CDH12: variants seen among roughly 807,000 people sequenced by gnomAD.
CDH12 encodes cadherin-12.
In CDH12, 41 loss-of-function variants were observed where a neutral mutation model predicts 74.1. The ratio of observed to expected loss-of-function variants is 0.55; its 90% CI spans 0.43 to 0.72. CDH12 has a LOEUF of 0.72. Ranked by LOEUF, CDH12 falls within the 30% of genes least tolerant of loss-of-function variation. CDH12 has a pLI of 0.00. For missense variants in CDH12, 945 were observed against 977.2 expected, an observed-to-expected ratio of 0.97 and a Z score of 0.44; for synonymous variants, 399 against 355.0, an observed-to-expected ratio of 1.12 and a Z score of -1.39.
intron 1 of CDH12, among the ~76,000 whole-genome samples, chr5:22,571,493 ATTT>A (rs1046319297): frequency 3.3e-5 from 5 of 152,038 alleles, no homozygotes; most frequent in Non-Finnish European, 7.4e-5. Flanking sequence ...CGCCAGACTA[ATTT>A]TGTATTTTTG....
At chr5:22,617,148 A>G (rs1737732806) in intron 1 of CDH12, among the ~76,000 whole-genome samples, 1 of 152,122 alleles carries the variant, frequency 6.6e-6, no homozygotes, top group African/African-American at 2.4e-5. Context: ...TGCTGGGATT[A>G]AAGAAATGAG....
At chr5:22,481,155 G>A (rs1258525164) in intron 2 of CDH12, among the ~76,000 whole-genome samples, 2 of 152,068 alleles carry the variant, frequency 1.3e-5, no homozygotes, top group African/African-American at 4.8e-5. Context: ...GTGAGATATC[G>A]CCTCATGCCT....
chr5:21,901,869 G>T (rs1401660575), intron 6 of CDH12, among the ~76,000 whole-genome samples: 5 of 151,412 alleles, frequency 3.3e-5, no homozygotes, highest in Admixed American at 6.6e-5. Context: ...CACAAGTTTT[G>T]CTCCAACTGT....
chr5:21,967,457 G>A (rs1191066370), intron 6 of CDH12, among the ~76,000 whole-genome samples: 2 of 152,152 alleles, frequency 1.3e-5, no homozygotes, highest in Non-Finnish European at 2.9e-5. Context: ...GGCTGGGGAA[G>A]GAGTAATACT....
rs538720420 is a variant in CDH12 at position 21,986,241 on chromosome 5, G to C, written c.232-10856C>G. ...ATTTGCAATGCTCAAGAGCAAAAAA[G>C]CTTATGTGCTAGGATATATTACACA... On this transcript the variant is annotated intron_variant, in intron 5 of 14. Coordinates refer to ENST00000382254, the MANE Select transcript of CDH12 (RefSeq NM_004061.5). Among the ~76,000 whole-genome samples the C allele has an allele frequency of 2.1e-4, 32 of 152,266 alleles. 1 individual carries two copies. In the South Asian group the frequency reaches 5.4e-3, roughly 26 times the overall value.
rs73068183 is a variant in CDH12 at position 22,765,138 on chromosome 5, T to C, written c.-523+87920A>G. ...ATTAAACAATGTGCACGTTTCAAAA[T>C]ATGGTATTAAAGGAACATGTCTCTA... On this transcript the variant is annotated intron_variant, in intron 1 of 14. Coordinates refer to ENST00000382254, the MANE Select transcript of CDH12 (RefSeq NM_004061.5). Among the ~76,000 whole-genome samples, 650 of 152,030 alleles carry C rather than the reference T, an allele frequency of 4.3e-3. 5 individuals carry two copies. Among genetic ancestry groups the C allele is most frequent in the African/African-American group, 0.015 (629 of 41,530 alleles).
chr5:22,101,199 T>G (rs758927215), intron 4 of CDH12, among the ~76,000 whole-genome samples: 16 of 152,074 alleles, frequency 1.1e-4, no homozygotes, highest in Non-Finnish European at 1.8e-4. Context: ...GGAACAATTT[T>G]AGACACCGAG....
At chr5:22,763,732 G>A (rs1205194116) in intron 1 of CDH12, among the ~76,000 whole-genome samples, 1 of 151,940 alleles carries the variant, frequency 6.6e-6, no homozygotes, top group African/African-American at 2.4e-5. Flanking sequence ...GTGTTTCCAA[G>A]TTTAAATAAA....
intron 6 of CDH12, among the ~76,000 whole-genome samples, chr5:21,918,825 A>C (rs1428824895): frequency 2.6e-5 from 4 of 152,134 alleles, no homozygotes; most frequent in Non-Finnish European, 5.9e-5. Flanking sequence ...CATATATCTA[A>C]ATTCAGATGG....
intron 3 of CDH12, among the ~76,000 whole-genome samples, chr5:22,394,122 G>A (rs1580602220): frequency 6.6e-6 from 1 of 152,248 alleles, no homozygotes; most frequent in Admixed American, 6.5e-5. Flanking sequence ...GGAAACGTGT[G>A]CTGTTAAGAG....
At chr5:22,742,245 A>G (rs1031144541) in intron 1 of CDH12, among the ~76,000 whole-genome samples, 1 of 151,376 alleles carries the variant, frequency 6.6e-6, no homozygotes, top group South Asian at 2.1e-4. Context: ...AAAGGAAAGA[A>G]AAGAAAAGAA....
At chr5:22,813,187 C>A (rs1749230538) in intron 1 of CDH12, among the ~76,000 whole-genome samples, 1 of 152,110 alleles carries the variant, frequency 6.6e-6, no homozygotes, top group South Asian at 2.1e-4. Context: ...AATAAAACCT[C>A]TTGATTCTAT....
intron 1 of CDH12, among the ~76,000 whole-genome samples, chr5:22,686,076 G>T (rs977162362): frequency 2.0e-5 from 3 of 151,970 alleles, no homozygotes; most frequent in Non-Finnish European, 4.4e-5. Context: ...CCTTCTTTTT[G>T]ATTATAACTA....
chr5:22,117,755 TG>T (rs1191832502), intron 4 of CDH12, among the ~76,000 whole-genome samples: 1 of 151,016 alleles, frequency 6.6e-6, no homozygotes, highest in Non-Finnish European at 1.5e-5. Flanking sequence ...CATCATTGCA[TG>T]TATACACTTA....
At chr5:22,096,575 C>A (rs536884335) in intron 4 of CDH12, among the ~76,000 whole-genome samples, 1 of 152,310 alleles carries the variant, frequency 6.6e-6, no homozygotes, top group Non-Finnish European at 1.5e-5. Context: ...CTCCTCACAC[C>A]TGGTCCGGCT....
chr5:21,883,268 A>G (rs1462763319), intron 6 of CDH12: 2 of 1,377,084 alleles, frequency 1.5e-6, no homozygotes, highest in Non-Finnish European at 1.0e-6. Flanking sequence ...ATATTTCTCC[A>G]TACTTTATTA....
At chr5:22,022,319 T>C (rs920356609) in intron 5 of CDH12, among the ~76,000 whole-genome samples, 2 of 152,046 alleles carry the variant, frequency 1.3e-5, no homozygotes, top group Admixed American at 1.3e-4. Flanking sequence ...TGAGATCTGG[T>C]TGTTTAAAAG....
chr5:22,643,954 T>A lies in CDH12; in HGVS notation c.-522-138590A>T, dbSNP rs146579121. ...CTTTGAGGTTACTATTGTGATTGGT[T>A]TGGGGGTTGTATGAACAGTGACCAC... On this transcript the variant is annotated intron_variant, in intron 1 of 14. Transcript: ENST00000382254. Among the ~76,000 whole-genome samples the A allele has an allele frequency of 8.0e-3, 1,215 of 152,026 alleles. 11 individuals are homozygous for A. Among genetic ancestry groups the A allele is most frequent in the African/African-American group, 0.026 (1,058 of 41,476 alleles).
At chr5:21,816,043 A>G (rs1332431868) in intron 9 of CDH12, among the ~76,000 whole-genome samples, 1 of 152,084 alleles carries the variant, frequency 6.6e-6, no homozygotes, top group Non-Finnish European at 1.5e-5. Flanking sequence ...ACTCAGCATC[A>G]CTAGGTCTTT....
Sources: gnomAD v4.1 joint callset for allele counts (sites outside exome capture counted in the v4.1 genomes callset) on GRCh38, gnomAD v4.1.1 for gene constraint, MANE v1.5 for transcripts, NCBI Gene and HGNC (gene_info 2026-07-23, HGNC 2026-07-21) for gene names.